GRIK4: variants seen among roughly 807,000 people sequenced by gnomAD.
The protein encoded by GRIK4 is glutamate receptor ionotropic, kainate 4.
In GRIK4, 40 loss-of-function variants were observed where a neutral mutation model predicts 104.9. The observed-to-expected ratio is 0.38, with a 90% confidence interval of 0.30 to 0.50. The LOEUF (loss-of-function observed/expected upper bound fraction) is 0.50, where lower values mean the gene tolerates loss of function less well. Ranked by LOEUF, GRIK4 falls within the 20% of genes least tolerant of loss-of-function variation. The pLI is 0.93. For missense variants in GRIK4, 1,047 were observed against 1,308.1 expected (o/e 0.80, Z 3.08); for synonymous variants, 485 against 524.9 (o/e 0.92, Z 1.04).
intron 13 of GRIK4, among the ~76,000 whole-genome samples, chr11:120,911,236 TTC>T (rs1458084667): frequency 1.3e-5 from 2 of 150,248 alleles, no homozygotes; most frequent in African/African-American, 2.5e-5. Flanking sequence ...GATTCCAAAA[TTC>T]TCTTTTTTTT....
chr11:120,718,534 A>G (rs1950877130), intron 3 of GRIK4, among the ~76,000 whole-genome samples: 1 of 152,256 alleles, frequency 6.6e-6, no homozygotes, highest in African/African-American at 2.4e-5. Context: ...TAAGCCAGGG[A>G]CACTTAACCT....
At chr11:120,966,446 C>T (rs1944385069) in intron 18 of GRIK4, among the ~76,000 whole-genome samples, 1 of 152,212 alleles carries the variant, frequency 6.6e-6, no homozygotes, top group South Asian at 2.1e-4. Flanking sequence ...AATCTCAGCT[C>T]ACTGCACCTC....
At chr11:120,529,532 T>C (rs1203167812) in intron 1 of GRIK4, among the ~76,000 whole-genome samples, 1 of 152,224 alleles carries the variant, frequency 6.6e-6, no homozygotes. Flanking sequence ...TGCACAGAGA[T>C]GCAGCCTAAT....
chr11:120,733,467 C>G (rs1352770318), intron 3 of GRIK4, among the ~76,000 whole-genome samples: 4 of 151,106 alleles, frequency 2.6e-5, no homozygotes, highest in African/African-American at 4.9e-5. Flanking sequence ...TAATTTCTTG[C>G]TTTTTATTTT....
At chr11:120,930,004 G>GGGA (rs780889413) in intron 13 of GRIK4, among the ~76,000 whole-genome samples, 2 of 145,728 alleles carry the variant, frequency 1.4e-5, no homozygotes, top group Non-Finnish European at 3.0e-5. Flanking sequence ...GCCACGTTTG[G>GGGA]GGGGGGGGTC....
chr11:120,901,351 C>G (rs1942733913), intron 12 of GRIK4, among the ~76,000 whole-genome samples: 2 of 152,012 alleles, frequency 1.3e-5, no homozygotes, highest in Non-Finnish European at 2.9e-5. Flanking sequence ...CCCTCCCTGC[C>G]TTGGCACATG....
At chr11:120,660,901 A>C (rs751940379) in intron 3 of GRIK4, among the ~76,000 whole-genome samples, 9 of 152,062 alleles carry the variant, frequency 5.9e-5, no homozygotes, top group Non-Finnish European at 1.3e-4. Context: ...TGGCTCTGAG[A>C]GGGAGGGCAG....
intron 3 of GRIK4, among the ~76,000 whole-genome samples, chr11:120,750,247 A>C (rs1418244976): frequency 1.3e-5 from 2 of 152,040 alleles, no homozygotes; most frequent in African/African-American, 2.4e-5. Context: ...GTAGTCATTA[A>C]AACATGTTCA....
At chr11:120,523,701 C>T (rs61900871) in intron 1 of GRIK4, among the ~76,000 whole-genome samples, 10,847 of 152,218 alleles carry the variant, frequency 0.071, 432 homozygotes, top group Middle Eastern at 0.092. Context: ...GGTCTGCCTT[C>T]GTCTCTTTAG....
chr11:120,972,139 C>T (rs1944485687), intron 19 of GRIK4, among the ~76,000 whole-genome samples: 1 of 152,144 alleles, frequency 6.6e-6, no homozygotes, highest in Non-Finnish European at 1.5e-5. Flanking sequence ...TAAGTAAAAT[C>T]AGTGTCCCAG....
chr11:120,945,812 C>T (rs1183188086), intron 14 of GRIK4, among the ~76,000 whole-genome samples: 1 of 152,224 alleles, frequency 6.6e-6, no homozygotes, highest in Admixed American at 6.5e-5. Flanking sequence ...CTGCATATTC[C>T]ACACACAACA....
intron 1 of GRIK4, among the ~76,000 whole-genome samples, chr11:120,616,909 G>A (rs570155984): frequency 2.6e-5 from 4 of 152,168 alleles, no homozygotes; most frequent in Non-Finnish European, 5.9e-5. Context: ...TTTGCCCTGG[G>A]GTTCCTTGAA....
chr11:120,685,259 C>A (rs1414782019), intron 3 of GRIK4, among the ~76,000 whole-genome samples: 1 of 152,204 alleles, frequency 6.6e-6, no homozygotes, highest in Admixed American at 6.5e-5. Flanking sequence ...GCAGCATTGA[C>A]ATCACCTAAG....
intron 15 of GRIK4, among the ~76,000 whole-genome samples, chr11:120,954,782 T>TACACAC (rs768646075): frequency 3.7e-5 from 4 of 107,988 alleles, no homozygotes; most frequent in South Asian, 3.4e-4. Context: ...TCTCTCTCAC[T>TACACAC]ACACACACAC....
At chr11:120,829,656 G>A (rs987405668) in intron 6 of GRIK4, among the ~76,000 whole-genome samples, 2 of 152,182 alleles carry the variant, frequency 1.3e-5, no homozygotes, top group Admixed American at 6.5e-5. Context: ...GAGTAACATG[G>A]AGACCGTACA....
intron 1 of GRIK4, among the ~76,000 whole-genome samples, chr11:120,640,819 C>T (rs1949461213): frequency 6.6e-6 from 1 of 152,142 alleles, no homozygotes; most frequent in African/African-American, 2.4e-5. Flanking sequence ...AGCAGTTCCC[C>T]TGCCTCAGCC....
chr11:120,700,521 T>C (rs1950535125), intron 3 of GRIK4, among the ~76,000 whole-genome samples: 1 of 152,068 alleles, frequency 6.6e-6, no homozygotes, highest in African/African-American at 2.4e-5. Flanking sequence ...TGCAGTGGCG[T>C]GATCTCGGCT....
Position 120,819,180 on chromosome 11 carries a change from C to T in GRIK4, c.346-575C>T, listed in dbSNP as rs1273361178. The stretch of plus-strand genomic sequence containing the variant: ...TCTCCGCCTGCAGGGCTTCCTTCCT[C>T]CATGTGCGCATGTGTGTCTGTGCGG... On this transcript the variant is annotated intron_variant, in intron 5 of 20. Transcript: ENST00000527524. The surrounding 1 kb of genome is among the most constrained non-coding windows in gnomAD (Gnocchi z 4.3). 6.6e-6 allele frequency among the ~76,000 whole-genome samples: 1 copy of T among 152,192 alleles called. No individual in the cohort carries two copies. Among genetic ancestry groups the T allele is most frequent in the Non-Finnish European group, 1.5e-5 (1 of 68,036 alleles).
At chr11:120,809,078 A>G (rs1449148984) in intron 4 of GRIK4, among the ~76,000 whole-genome samples, 1 of 151,380 alleles carries the variant, frequency 6.6e-6, no homozygotes, top group African/African-American at 2.4e-5. Context: ...ACACAGCCTC[A>G]CCCTCCCCTC....
Sources: allele counts gnomAD v4.1 joint callset (sites outside exome capture counted in the v4.1 genomes callset), GRCh38; gene constraint gnomAD v4.1.1; non-coding constraint Gnocchi (gnomAD v3.1); transcripts MANE v1.5; gene names NCBI Gene and HGNC (gene_info 2026-07-23, HGNC 2026-07-21).